Variants in TCF25 observed in about 807,000 individuals in gnomAD.
TCF25 encodes TCF25 ribosome quality control complex subunit.
A neutral mutation model predicts 83.1 loss-of-function variants in TCF25; 41 were observed. That is an observed-to-expected ratio of 0.49 (90% CI 0.38 to 0.64). The LOEUF (loss-of-function observed/expected upper bound fraction) is 0.64, where lower values mean the gene tolerates loss of function less well. Ranked by LOEUF, TCF25 falls within the 30% of genes least tolerant of loss-of-function variation. The probability of loss-of-function intolerance (pLI) is 0.00; values close to 1 mark genes in which losing one functional copy is unlikely to be tolerated. For missense variants in TCF25, 979 were observed against 914.5 expected (o/e 1.07, Z -0.91); for synonymous variants, 458 against 365.0 (o/e 1.25, Z -2.90).
chr16:89,873,717 A>G lies in TCF25; in HGVS notation c.50A>G (p.Glu17Gly), dbSNP rs1273309735. ...CTGAGGGGGGAACAGCGCGGCCAGG[A>G]GCCCCTCGGGCCCGGCGCCTTGCAT... ...RRLRGEQRGQ[E>G]PLGPGALHFD... The change falls in exon 1 of 18, where the codon GAG (glutamate) becomes GGG (glycine). Residue 17 changes from glutamate (E) to glycine (G), a missense_variant. By Grantham distance (98) the Glu-to-Gly change is moderately conservative. Coordinates refer to ENST00000263346, the MANE Select transcript of TCF25 (RefSeq NM_014972.3). 8.7e-6 allele frequency: 14 copies of G among 1,608,336 alleles called. No individual in the cohort carries two copies. The highest frequency in any genetic ancestry group is 1.2e-5 in the Non-Finnish European group (14 of 1,178,116).
chr16:89,886,756 G>A (rs148561513), intron 4 of TCF25, among the ~76,000 whole-genome samples: 93 of 150,940 alleles, frequency 6.2e-4, no homozygotes, highest in African/African-American at 2.0e-3. Flanking sequence ...GCAAAACTCC[G>A]TCTCAAAAAA....
At chr16:89,894,902 C>T in intron 7 of TCF25, 136 bp from the exon 8 acceptor site, 1 of 640,878 alleles carries the variant, frequency 1.6e-6, no homozygotes, top group South Asian at 2.0e-5. Context: ...GCCTCAGCCT[C>T]CCAAAGTGGT....
chr16:89,909,096 C>A (rs910480881), intron 16 of TCF25: 2 of 1,289,322 alleles, frequency 1.6e-6, no homozygotes, highest in Non-Finnish European at 2.0e-6. Context: ...GCGAGTGACA[C>A]AGTGGAAGCA....
chr16:89,893,911 G>A, intron 7 of TCF25, 53 bp downstream of exon 7: 1 of 1,550,482 alleles, frequency 6.4e-7, no homozygotes, highest in Non-Finnish European at 8.7e-7. Context: ...AGCCACCACT[G>A]CCCTGGGCCG....
At chr16:89,873,924 T>C in intron 1 of TCF25, 65 bp downstream of exon 1, 2 of 1,370,418 alleles carry the variant, frequency 1.5e-6, no homozygotes, top group South Asian at 1.4e-5. Context: ...GGGGCGAGCG[T>C]CCAGCCGGGT....
chr16:89,874,151 A>G (rs1429712324), intron 1 of TCF25, among the ~76,000 whole-genome samples: 1 of 151,238 alleles, frequency 6.6e-6, no homozygotes, highest in Non-Finnish European at 1.5e-5. Flanking sequence ...GGGGCGACCG[A>G]ATGGGCGGGG....
Position 89,898,725 on chromosome 16 carries a change from C to T in TCF25, c.1116-42C>T, listed in dbSNP as rs372809088. On this transcript the variant is annotated intron_variant, in intron 10 of 17. Coordinates refer to ENST00000263346, the MANE Select transcript of TCF25 (RefSeq NM_014972.3). Reference sequence around the variant, plus strand: ...AGGCCCACTCTCAGCCTGACGATGCCCCTGTTCCCCTTTGCTCTGCTCTCT... The same window carrying T: ...AGGCCCACTCTCAGCCTGACGATGCTCCTGTTCCCCTTTGCTCTGCTCTCT... 3.1e-5 allele frequency: 50 copies of T among 1,612,796 alleles called. No individual in the cohort carries two copies. The East Asian group carries it at 8.2e-4, about 27-fold the overall frequency.
At chr16:89,896,525 G>A (rs1437232332) in intron 9 of TCF25, among the ~76,000 whole-genome samples, 2 of 151,932 alleles carry the variant, frequency 1.3e-5, no homozygotes, top group African/African-American at 4.8e-5. Context: ...TGAGCACCGT[G>A]GCAACATGCA....
chr16:89,910,470 C>A, intron 16 of TCF25, 121 bp from the exon 17 acceptor site: 1 of 948,506 alleles, frequency 1.1e-6, no homozygotes, highest in Non-Finnish European at 1.7e-6. Flanking sequence ...GCTGCTCTGC[C>A]CCCTGGCGGC....
chr16:89,885,555 C>A (rs557480643), intron 3 of TCF25, among the ~76,000 whole-genome samples: 3 of 152,322 alleles, frequency 2.0e-5, no homozygotes, highest in African/African-American at 7.2e-5. Context: ...TAGTTGGAGC[C>A]ACAAGTCCCA....
intron 8 of TCF25, 71 bp downstream of exon 8, chr16:89,895,208 G>A (rs769878260): frequency 2.9e-5 from 41 of 1,413,184 alleles, no homozygotes; most frequent in Non-Finnish European, 3.8e-5. Flanking sequence ...AGATGCGATG[G>A]TGTAAGATGA....
chr16:89,901,588 AC>A (rs1246101602), intron 12 of TCF25, among the ~76,000 whole-genome samples: 34 of 113,996 alleles, frequency 3.0e-4, no homozygotes, highest in African/African-American at 1.0e-3. Context: ...TACTAAAAAT[AC>A]AAAAAATTAG....
At chr16:89,876,788 G>C (rs2042222850) in intron 1 of TCF25, among the ~76,000 whole-genome samples, 1 of 152,122 alleles carries the variant, frequency 6.6e-6, no homozygotes, top group Non-Finnish European at 1.5e-5. Context: ...AATTAGCCGG[G>C]TGTGGCGGCG....
At chr16:89,896,593 A>G (rs1383601886) in intron 9 of TCF25, among the ~76,000 whole-genome samples, 4 of 132,256 alleles carry the variant, frequency 3.0e-5, no homozygotes, top group Middle Eastern at 9.5e-3. Context: ...TCACTCTGTC[A>G]CCCAGGCCGG....
chr16:89,881,460 T>C (rs1438815022), intron 1 of TCF25, among the ~76,000 whole-genome samples: 1 of 152,146 alleles, frequency 6.6e-6, no homozygotes, highest in African/African-American at 2.4e-5. Flanking sequence ...TTTTAAAAAA[T>C]TTAGAGCTAG....
intron 1 of TCF25, among the ~76,000 whole-genome samples, chr16:89,874,342 G>T (rs1393701457): frequency 6.6e-6 from 1 of 151,920 alleles, no homozygotes; most frequent in South Asian, 2.1e-4. Context: ...GATGGCGTGG[G>T]CGGGGTTAAA....
At chr16:89,894,413 C>T (rs889395478) in intron 7 of TCF25, among the ~76,000 whole-genome samples, 3 of 151,922 alleles carry the variant, frequency 2.0e-5, no homozygotes, top group Admixed American at 6.6e-5. Context: ...CTCACGCAGC[C>T]GCCGGACAGC....
intron 12 of TCF25, 152 bp downstream of exon 12, chr16:89,900,946 A>C: frequency 1.1e-6 from 1 of 917,830 alleles, no homozygotes; most frequent in Non-Finnish European, 1.5e-6. Context: ...GCCCTACCAA[A>C]CCTGAAAGAG....
At chr16:89,909,693 A>AC (rs1331577725) in intron 16 of TCF25, 38 of 152,260 alleles carry the variant, frequency 2.5e-4, no homozygotes, top group Admixed American at 2.2e-3. Flanking sequence ...AAAAAAAAAA[A>AC]AATCCTCCAG....
Sources: gnomAD v4.1 joint callset for allele counts (sites outside exome capture counted in the v4.1 genomes callset) on GRCh38, gnomAD v4.1.1 for gene constraint, MANE v1.5 for transcripts, NCBI Gene and HGNC (gene_info 2026-07-23, HGNC 2026-07-21) for gene names.